The following MYBPC1 variants were observed in gnomAD, a reference collection of about 807,000 sequenced individuals.
MYBPC1 encodes the protein myosin binding protein C1.
Under a neutral mutation model 147.1 loss-of-function variants are expected in MYBPC1, and 52 were observed. The ratio of observed to expected loss-of-function variants is 0.35; its 90% CI spans 0.28 to 0.45. The LOEUF (loss-of-function observed/expected upper bound fraction) is 0.45. MYBPC1 is among the 20% of genes least tolerant of loss of function. The pLI, the probability that MYBPC1 is intolerant of heterozygous loss-of-function variation, is 1.00. For synonymous variants in MYBPC1, 477 were observed against 475.9 expected (o/e 1.00, Z -0.03); for missense variants, 1,228 against 1,440.3 (o/e 0.85, Z 2.39).
At chr12:101,595,908 A>C (rs1877055040) in intron 1 of MYBPC1, among the ~76,000 whole-genome samples, 2 of 152,168 alleles carry the variant, frequency 1.3e-5, no homozygotes, top group African/African-American at 4.8e-5. Flanking sequence ...AGTAGTTATG[A>C]AAATAAATAA....
At chr12:101,668,418 T>C (rs997432209) in intron 23 of MYBPC1, among the ~76,000 whole-genome samples, 2 of 152,158 alleles carry the variant, frequency 1.3e-5, no homozygotes, top group Admixed American at 6.5e-5. Context: ...CTCACCACCA[T>C]GCACTCAACA....
chr12:101,602,878 C>G (rs911657663), intron 1 of MYBPC1, among the ~76,000 whole-genome samples: 2 of 152,142 alleles, frequency 1.3e-5, no homozygotes, highest in African/African-American at 2.4e-5. Context: ...GAGCCATGTC[C>G]AATTCGGGGG....
At chr12:101,657,864 A>G (rs1032780741) in intron 18 of MYBPC1, among the ~76,000 whole-genome samples, 2 of 152,208 alleles carry the variant, frequency 1.3e-5, no homozygotes, top group Non-Finnish European at 2.9e-5. Flanking sequence ...TTTCAGACCA[A>G]TATCTCTCAT....
intron 28 of MYBPC1, among the ~76,000 whole-genome samples, chr12:101,678,946 G>C (rs1263782): frequency 0.19 from 29,510 of 152,002 alleles, 2,923 homozygotes; most frequent in East Asian, 0.26. Context: ...GGATCACTTG[G>C]TCAGGAGTTC....
At chr12:101,627,689 T>A (rs1888930864) in intron 4 of MYBPC1, 80 bp from the exon 5 acceptor site, 4 of 1,501,710 alleles carry the variant, frequency 2.7e-6, no homozygotes, top group Non-Finnish European at 2.8e-6. Context: ...TTTAGGGGAA[T>A]CCAAGAAGGT....
rs1227844370 is a variant in MYBPC1, at chr12:101,631,710, G to A, written c.429G>A (p.Arg143=). ...KHLQLKETFE[R]HSRVYTFEMQ... is the part of the protein sequence containing the mutation. Reference sequence around the variant, plus strand: ...TTCAGCTGAAGGAAACCTTTGAGAGGCACAGTCGGGTAAGGCCCTGAACTC... The same window carrying A: ...TTCAGCTGAAGGAAACCTTTGAGAGACACAGTCGGGTAAGGCCCTGAACTC... Residue 143 remains arginine (R), a synonymous_variant, in exon 7 of 32, where the codon AGG becomes AGA. Coordinates refer to ENST00000361466, the MANE Select transcript of MYBPC1 (RefSeq NM_002465.4). 1 of 1,614,138 alleles carries A rather than the reference G, an allele frequency of 6.2e-7. No individual in the cohort carries two copies. Among genetic ancestry groups the A allele is most frequent in the South Asian group, 1.1e-5 (1 of 91,066 alleles).
Position 101,661,222 on chromosome 12 carries a change from C to T in MYBPC1, c.1992C>T (p.Asn664=), listed in dbSNP as rs150574982. ...TGGGAGATGACTGGTGTATCATGAA[C>T]TGGGAGCCTCCTGCCTACGACGGAG... The part of the protein sequence containing the change: ...TEVGDDWCIM[N]WEPPAYDGGS... Residue 664 remains asparagine, a synonymous_variant, in exon 20 of 32, where the codon AAC becomes AAT. Transcript: ENST00000361466. 2.5e-6 allele frequency: 4 copies of T among 1,613,928 alleles called. No homozygotes were observed. In the African/African-American group the frequency reaches 5.3e-5, roughly 22 times the overall value.
At chr12:101,656,198 T>C (rs1424535738) in intron 18 of MYBPC1, among the ~76,000 whole-genome samples, 1 of 152,058 alleles carries the variant, frequency 6.6e-6, no homozygotes, top group East Asian at 1.9e-4. Context: ...GTAAAATTAA[T>C]ATGCTAATAA....
At chr12:101,627,552 T>C (rs541191181) in intron 4 of MYBPC1, among the ~76,000 whole-genome samples, 6 of 152,286 alleles carry the variant, frequency 3.9e-5, no homozygotes, top group African/African-American at 1.4e-4. Context: ...TGGGATTTTT[T>C]AATTTTTCTA....
intron 18 of MYBPC1, among the ~76,000 whole-genome samples, chr12:101,653,631 T>G (rs1265663860): frequency 1.3e-5 from 2 of 152,162 alleles, no homozygotes; most frequent in African/African-American, 2.4e-5. Context: ...AGCAAGTAAC[T>G]GCATAGTCAA....
chr12:101,600,311 T>G (rs1459126911), intron 1 of MYBPC1: 10 of 152,156 alleles, frequency 6.6e-5, no homozygotes, highest in Non-Finnish European at 5.9e-5. Flanking sequence ...TTTTTTTTTT[T>G]TTTAGGCTCT....
At chr12:101,600,300 CT>C (rs767930149) in intron 1 of MYBPC1, 1,620 of 142,092 alleles carry the variant, frequency 0.011, 15 homozygotes, top group African/African-American at 0.025. Flanking sequence ...AGCCTTGAAA[CT>C]TTTTTTTTTT....
chr12:101,629,214 A>G, intron 5 of MYBPC1: 1 of 549,966 alleles, frequency 1.8e-6, no homozygotes, highest in Admixed American at 3.0e-5. Context: ...AGAATTACAT[A>G]ATGTTCATTT....
At chr12:101,646,610 G>C in intron 12 of MYBPC1, 153 bp from the exon 13 acceptor site, 1 of 828,008 alleles carries the variant, frequency 1.2e-6, no homozygotes, top group Non-Finnish European at 2.0e-6. Flanking sequence ...CTGCACTCCT[G>C]CCTGTGCAAC....
intron 8 of MYBPC1, 28 bp downstream of exon 8, chr12:101,632,166 T>A: frequency 6.7e-7 from 1 of 1,483,906 alleles, no homozygotes; most frequent in South Asian, 1.1e-5. Context: ...CCTAGATAAA[T>A]GTAATTTTTT....
Position 101,626,088 on chromosome 12 carries a change from C to CAAAAAA in MYBPC1, c.104-765_104-760dup, listed in dbSNP as rs769008600. Among the ~76,000 whole-genome samples, 190 of 55,030 alleles carry CAAAAAA rather than the reference C, an allele frequency of 3.5e-3. 2 individuals carry two copies. Among genetic ancestry groups the CAAAAAA allele is most frequent in the African/African-American group, 3.1e-3 (47 of 15,316 alleles). 36.1% of individuals were successfully genotyped at this position (55,030 alleles called of 152,430 possible). A position where few individuals can be genotyped will look rare whatever the true frequency, so the allele number is the denominator to read the frequency against. ...GGGCAAAAAGAGTGAAACTCTGTCT[C>CAAAAAA]AAAAAAAAAAAAAAAAAAAAAAAAT... On this transcript the variant is annotated intron_variant, in intron 3 of 31. Transcript: ENST00000361466.
chr12:101,607,305 T>C (rs573368432), intron 1 of MYBPC1, among the ~76,000 whole-genome samples: 1 of 152,152 alleles, frequency 6.6e-6, no homozygotes, highest in Non-Finnish European at 1.5e-5. Context: ...ATAGTGTTTA[T>C]TACATATTTA....
At chr12:101,660,399 C>T (rs1474402226) in intron 19 of MYBPC1, 2 of 168,990 alleles carry the variant, frequency 1.2e-5, no homozygotes, top group East Asian at 1.5e-4. Flanking sequence ...TTCAGTTCTG[C>T]GGAAGTTCAC....
chr12:101,667,025 C>G (rs1897623398), intron 22 of MYBPC1, among the ~76,000 whole-genome samples: 1 of 151,906 alleles, frequency 6.6e-6, no homozygotes, highest in Non-Finnish European at 1.5e-5. Flanking sequence ...AAAATGCATA[C>G]TAACTTTTAG....
Sources: gnomAD v4.1 joint callset for allele counts (sites outside exome capture counted in the v4.1 genomes callset) on GRCh38, gnomAD v4.1.1 for gene constraint, MANE v1.5 for transcripts, NCBI Gene and HGNC (gene_info 2026-07-23, HGNC 2026-07-21) for gene names.